The following STIL variants were observed in gnomAD, a reference collection of about 807,000 sequenced individuals.
The protein encoded by STIL is STIL centriolar assembly protein.
STIL carries 55 observed loss-of-function variants against 110.1 expected under a neutral mutation model. That is an observed-to-expected ratio of 0.50 (90% CI 0.40 to 0.63). The LOEUF is 0.63. Among genes scored for constraint, STIL ranks in the 20% least tolerant of loss-of-function variants. The probability of loss-of-function intolerance (pLI) is 0.00; values close to 1 mark genes in which losing one functional copy is unlikely to be tolerated. For missense variants in STIL, 1,358 were observed against 1,530.0 expected (o/e 0.89, Z 1.87); for synonymous variants, 481 against 530.0 (o/e 0.91, Z 1.27).
intron 3 of STIL, among the ~76,000 whole-genome samples, chr1:47,304,555 T>C (rs1645897356): frequency 6.6e-6 from 1 of 152,234 alleles, no homozygotes; most frequent in Non-Finnish European, 1.5e-5. Context: ...TTCCTTCTAA[T>C]CTGATCCACT....
At position 47,270,251 on chromosome 1, in the gene STIL, TATATACACACAC is replaced by T. The variant is rs1348531631; in HGVS notation, c.2384-397_2384-386del. On this transcript the variant is annotated intron_variant, in intron 13 of 16. Transcript: ENST00000371877. ...TCAAAAAAAAAAAAAAATATATATA[TATATACACACAC>T]ACACACACACACACACACACACACA... Among the ~76,000 whole-genome samples the T allele has an allele frequency of 4.6e-4, 55 of 119,216 alleles. 1 individual carries two copies. In the East Asian group the frequency reaches 7.5e-3, roughly 16 times the overall value. 78.2% of individuals were successfully genotyped at this position (119,216 alleles called of 152,430 possible). A position where few individuals can be genotyped will look rare whatever the true frequency, so the allele number is the denominator to read the frequency against.
intron 7 of STIL, among the ~76,000 whole-genome samples, chr1:47,294,070 A>T (rs1014878061): frequency 2.0e-5 from 3 of 152,230 alleles, no homozygotes; most frequent in Non-Finnish European, 4.4e-5. Flanking sequence ...CTATAAGTAG[A>T]TTTCATGGTC....
At position 47,280,629 on chromosome 1, in the gene STIL, CTA is replaced by C; in HGVS notation, c.1827_1828del (p.His609GlnfsTer6). ...ATTTAGCGGACTATATTGAATATGA[CTA>C]TGATGCTGACAACACCTGCAAACGT... On this transcript the variant is annotated frameshift_variant, in exon 12 of 17. Transcript: ENST00000371877. LOFTEE classifies it high-confidence loss of function. The C allele has an allele frequency of 6.2e-7, 1 of 1,614,198 alleles. No individual in the cohort carries two copies. The highest frequency in any genetic ancestry group is 8.5e-7 in the Non-Finnish European group (1 of 1,180,040).
intron 14 of STIL, among the ~76,000 whole-genome samples, chr1:47,267,947 A>G (rs899715669): frequency 6.6e-6 from 1 of 152,202 alleles, no homozygotes; most frequent in African/African-American, 2.4e-5. Flanking sequence ...AATTTCAAAC[A>G]TGAGAGAATT....
At chr1:47,255,987 C>T (rs920053974) in intron 16 of STIL, among the ~76,000 whole-genome samples, 5 of 152,128 alleles carry the variant, frequency 3.3e-5, no homozygotes, top group East Asian at 1.9e-4. Flanking sequence ...TGATAAAAGA[C>T]GGCTGATTTA....
chr1:47,301,539 T>C (rs747796526), intron 5 of STIL, 22 bp downstream of exon 5: 7 of 1,605,412 alleles, frequency 4.4e-6, no homozygotes, highest in Non-Finnish European at 6.0e-6. Flanking sequence ...GAATTAACTA[T>C]CAAGTTGTCA....
chr1:47,288,929 G>A (rs1645388936), intron 9 of STIL, among the ~76,000 whole-genome samples: 1 of 150,352 alleles, frequency 6.7e-6, no homozygotes, highest in South Asian at 2.1e-4. Flanking sequence ...AGGTGTGATG[G>A]TGGGCTCCTG....
chr1:47,251,551 T>C lies in STIL; in HGVS notation c.3452A>G (p.Glu1151Gly). ...CCTAAGGTTCTGATTCAATAAATAT[T>C]CACTCTTGCTATCTGCATTGTCGGG... ...EPPDNADSKS[E>G]YLLNQNLRSI... The change falls in exon 17 of 17, where the codon GAA becomes GGA. Residue 1151 changes from glutamate to glycine, a missense_variant. Transcript: ENST00000371877. 6.2e-7 allele frequency: 1 copy of C among 1,614,152 alleles called. No individual in the cohort carries two copies. Among genetic ancestry groups the C allele is most frequent in the Non-Finnish European group, 8.5e-7 (1 of 1,180,016 alleles).
Position 47,280,841 on chromosome 1 carries a change from T to A in STIL, c.1617A>T (p.Gln539His). 6.2e-7 allele frequency: 1 copy of A among 1,614,204 alleles called. No individual in the cohort carries two copies. The highest frequency in any genetic ancestry group is 8.5e-7 in the Non-Finnish European group (1 of 1,180,028). The change falls in exon 12 of 17, where the codon CAA (glutamine) becomes CAT (histidine). Residue 539 changes from glutamine to histidine, a missense_variant. Transcript: ENST00000371877. ...GPSHDIFEKL[Q>H]TVSAGNVQNE... is the part of the protein sequence containing the mutation. ...TTTGTACATTTCCAGCAGAAACTGT[T>A]TGGAGCTTTTCAAATATATCATGAG... is the stretch of plus-strand genomic sequence containing the variant.
At position 47,287,453 on chromosome 1, in the gene STIL, A is replaced by G. The variant is rs191756959; in HGVS notation, c.1133+98T>C. Reference sequence around the variant, plus strand: ...ATTTATGGTACATAAGATTTAAAAAATCATTTCATCAGAAATAATTTAGTT... The same window carrying G: ...ATTTATGGTACATAAGATTTAAAAAGTCATTTCATCAGAAATAATTTAGTT... On this transcript the variant is annotated intron_variant, in intron 10 of 16. Coordinates refer to ENST00000371877, the MANE Select transcript of STIL (RefSeq NM_001048166.1). The G allele has an allele frequency of 3.8e-6, 3 of 786,586 alleles. No individual in the cohort carries two copies. The Admixed American group carries it at 8.3e-5, about 22-fold the overall frequency. The allele number at this position is 786,586 out of a possible 1,614,324, so 48.7% of individuals were successfully genotyped here. A position where few individuals can be genotyped will look rare whatever the true frequency, so the allele number is the denominator to read the frequency against.
chr1:47,251,425 G>A lies in STIL; in HGVS notation c.3578C>T (p.Thr1193Met), dbSNP rs199565369. The A allele has an allele frequency of 2.2e-5, 35 of 1,613,988 alleles. No individual in the cohort carries two copies. Among genetic ancestry groups the A allele is most frequent in the Admixed American group, 8.3e-5 (5 of 59,992 alleles). Residue 1193 changes from threonine to methionine, a missense_variant, in exon 17 of 17, where the codon ACG (threonine) becomes ATG (methionine). Thr to Met is a moderately conservative substitution (Grantham distance 81). Coordinates refer to ENST00000371877, the MANE Select transcript of STIL (RefSeq NM_001048166.1). ...ATTTGTAATATTTCTCAATACTGGC[G>A]TATCTGCGTTGGTCCCCACAGATTC... ...NCESVGTNAD[T>M]PVLRNITNEV... is the part of the protein sequence containing the mutation.
In STIL at chr1:47,280,991, T is replaced by C; in HGVS notation, c.1467A>G (p.Pro489=). ...CTGGTTTATCCTGGTTTAACTGATT[T>C]GGTATTCCTCTCAAGGAAGGCTCTC... is the stretch of plus-strand genomic sequence containing the variant. ...EAGEPSLRGI[P]NQLNQDKPAL... is the part of the protein sequence containing the mutation. Residue 489 remains proline (P), a synonymous_variant, in exon 12 of 17, where the codon CCA becomes CCG. Transcript: ENST00000371877. 1 of 1,614,088 alleles carries C rather than the reference T, an allele frequency of 6.2e-7. No individual in the cohort carries two copies. The highest frequency in any genetic ancestry group is 8.5e-7 in the Non-Finnish European group (1 of 1,180,008).
At chr1:47,254,685 C>T (rs1026485445) in intron 16 of STIL, among the ~76,000 whole-genome samples, 3 of 152,046 alleles carry the variant, frequency 2.0e-5, no homozygotes, top group African/African-American at 7.2e-5. Flanking sequence ...TGCATGCCAC[C>T]ATGCCCAGCT....
At chr1:47,260,214 T>TA in intron 16 of STIL, 75 bp downstream of exon 16, 1 of 1,415,636 alleles carries the variant, frequency 7.1e-7, no homozygotes, top group Non-Finnish European at 9.5e-7. Context: ...ATCTAGCCAA[T>TA]GATGGGCAAA....
In STIL at chr1:47,306,934, T is replaced by C. The variant is rs569557616; in HGVS notation, c.45-1938A>G. 4.6e-5 allele frequency among the ~76,000 whole-genome samples: 7 copies of C among 152,296 alleles called. No homozygotes were observed. In the South Asian group the frequency reaches 1.2e-3, roughly 27 times the overall value. On this transcript the variant is annotated intron_variant, in intron 2 of 16. Transcript: ENST00000371877. ...TGGGAGGCCAAGGCAGGTGGATCAC[T>C]TGAGGCCTGCAGTTCGAGACCAGCC...
intron 8 of STIL, among the ~76,000 whole-genome samples, 162 bp downstream of exon 8, chr1:47,293,296 G>C (rs1164654847): frequency 1.3e-5 from 2 of 151,844 alleles, no homozygotes; most frequent in Non-Finnish European, 2.9e-5. Context: ...TTTTAATCTG[G>C]TTTTATTCTC....
Position 47,300,097 on chromosome 1 carries a change from G to A in STIL, c.509C>T (p.Ser170Phe), listed in dbSNP as rs1248362346. 6.8e-6 allele frequency: 11 copies of A among 1,614,092 alleles called. No homozygotes were observed. The highest frequency in any genetic ancestry group is 1.7e-5 in the Admixed American group (1 of 60,006). The change falls in exon 6 of 17, where the codon TCC becomes TTC. Residue 170 changes from serine (S) to phenylalanine (F), a missense_variant. By Grantham distance (155) the Ser-to-Phe change is radical (BLOSUM62 -2). Transcript: ENST00000371877. ...KDSLDCGKLL[S>F]LRVHITSRES... ...CCTGGAAGTGATATGAACTCTTAGG[G>A]AAAGCAGCTTACCACAGTCCAAGGA...
intron 9 of STIL, 62 bp downstream of exon 9, chr1:47,289,373 T>G (rs1265296909): frequency 8.1e-6 from 12 of 1,487,952 alleles, no homozygotes; most frequent in African/African-American, 1.4e-5. Flanking sequence ...CTGTTGGGTT[T>G]AAACTGCCAA....
At position 47,276,573 on chromosome 1, in the gene STIL, C is replaced by G. The variant is rs534592811; in HGVS notation, c.2217+3668G>C. ...CTGTAATCCTAGCACTCTGGGAGGCCGAGGCAGGTGGATCACCTGAGGTCA... is the reference window on the plus strand; with the variant it reads ...CTGTAATCCTAGCACTCTGGGAGGCGGAGGCAGGTGGATCACCTGAGGTCA... On this transcript the variant is annotated intron_variant, in intron 12 of 16. Coordinates refer to ENST00000371877, the MANE Select transcript of STIL (RefSeq NM_001048166.1). 2.2e-4 allele frequency among the ~76,000 whole-genome samples: 33 copies of G among 151,570 alleles called. No homozygotes were observed. The South Asian group carries it at 6.9e-3, about 32-fold the overall frequency.
Sources: allele counts gnomAD v4.1 joint callset (sites outside exome capture counted in the v4.1 genomes callset), GRCh38; gene constraint gnomAD v4.1.1; transcripts MANE v1.5; gene names NCBI Gene and HGNC (gene_info 2026-07-23, HGNC 2026-07-21).